The following KIF5A variants were observed in gnomAD, a reference collection of about 807,000 sequenced individuals.
The protein encoded by KIF5A is kinesin family member 5A.
Under a neutral mutation model 141.3 loss-of-function variants are expected in KIF5A, and 35 were observed. The observed-to-expected ratio is 0.25, with a 90% CI of 0.19 to 0.33. The LOEUF is 0.33. KIF5A is among the 10% of genes least tolerant of loss of function. The pLI is 1.00. For missense variants in KIF5A, 861 were observed against 1,314.3 expected, an observed-to-expected ratio of 0.66 and a Z score of 5.33; for synonymous variants, 448 against 500.2, an observed-to-expected ratio of 0.90 and a Z score of 1.39.
At chr12:57,562,912 C>G (rs150244068) in intron 1 of KIF5A, among the ~76,000 whole-genome samples, 1 of 152,184 alleles carries the variant, frequency 6.6e-6, no homozygotes, top group Non-Finnish European at 1.5e-5. Context: ...GATCCCCTAA[C>G]ACAATCTCAC....
intron 1 of KIF5A, among the ~76,000 whole-genome samples, chr12:57,562,286 GCTCACTGCAACCTCCGC>G (rs1217155858): frequency 1.3e-5 from 2 of 152,190 alleles, no homozygotes; most frequent in African/African-American, 2.4e-5. Flanking sequence ...CGCAATCTTG[GCTCACTGCAACCTCCGC>G]CTCCTGGGTT....
intron 19 of KIF5A, 22 bp downstream of exon 19, chr12:57,576,400 T>A: frequency 6.3e-7 from 1 of 1,576,300 alleles, no homozygotes. Context: ...CAAGGGCGAC[T>A]CCAGCCCCTC....
At position 57,585,452 on chromosome 12, in the gene KIF5A, T is replaced by G. The variant is rs550299386; in HGVS notation, c.*1271T>G. The stretch of plus-strand genomic sequence containing the variant: ...CATTCTCAGCCCATATGCAGCACCC[T>G]CCATACTGAAGAGGACTGTTGTTTT... On this transcript the variant is annotated 3_prime_UTR_variant, in exon 29 of 29. Transcript: ENST00000455537. 5.5e-4 allele frequency: 85 copies of G among 154,572 alleles called. No homozygotes were observed. The highest frequency in any genetic ancestry group is 2.0e-3 in the African/African-American group (83 of 41,650). The allele number at this position is 154,572 out of a possible 1,614,324, so 9.6% of individuals were successfully genotyped here.
Position 57,576,875 on chromosome 12 carries a change from G to T in KIF5A, c.2300+13G>T. 1 of 1,596,448 alleles carries T rather than the reference G, an allele frequency of 6.3e-7. No individual in the cohort carries two copies. Among genetic ancestry groups the T allele is most frequent in the Non-Finnish European group, 8.6e-7 (1 of 1,164,428 alleles). Reference sequence around the variant, plus strand: ...TGCAGGAGCTGACGTGAGTGGCATGGATTTACCTGTAAAACTACAGCCTTG... The same window carrying T: ...TGCAGGAGCTGACGTGAGTGGCATGTATTTACCTGTAAAACTACAGCCTTG... On this transcript the variant is annotated intron_variant, in intron 20 of 28. Transcript: ENST00000455537.
chr12:57,575,791 A>G (rs773847107), intron 17 of KIF5A, 34 bp downstream of exon 17: 2 of 1,426,954 alleles, frequency 1.4e-6, no homozygotes, highest in African/African-American at 1.4e-5. Flanking sequence ...CCCACTGTCC[A>G]GGGCAGAAAA....
intron 1 of KIF5A, among the ~76,000 whole-genome samples, chr12:57,552,957 C>G (rs1490693005): frequency 6.6e-6 from 1 of 152,002 alleles, no homozygotes; most frequent in Non-Finnish European, 1.5e-5. Context: ...AGAGACAGCT[C>G]TGTGTGCCTT....
intron 17 of KIF5A, 115 bp from the exon 18 acceptor site, chr12:57,575,972 A>C: frequency 9.5e-7 from 1 of 1,057,630 alleles, no homozygotes; most frequent in Non-Finnish European, 1.5e-6. Context: ...GTCCTAACAC[A>C]GAAGAACATC....
chr12:57,560,696 T>A (rs1046912476), intron 1 of KIF5A, among the ~76,000 whole-genome samples: 1 of 152,170 alleles, frequency 6.6e-6, no homozygotes, highest in Non-Finnish European at 1.5e-5. Flanking sequence ...TGTCTTTTTG[T>A]TACTAATTTA....
intron 13 of KIF5A, 130 bp from the exon 14 acceptor site, chr12:57,571,931 T>G (rs572854667): frequency 1.3e-6 from 1 of 764,144 alleles, no homozygotes; most frequent in African/African-American, 1.7e-5. Context: ...CCTATTTCTA[T>G]GAAACCTAAA....
chr12:57,564,363 C>T, intron 4 of KIF5A, 97 bp from the exon 5 acceptor site: 3 of 1,120,576 alleles, frequency 2.7e-6, no homozygotes, highest in African/African-American at 3.1e-5. Context: ...TCTTTTCCTC[C>T]CACCACCGTT....
intron 24 of KIF5A, 46 bp from the exon 25 acceptor site, chr12:57,581,369 T>C: frequency 6.2e-7 from 1 of 1,611,418 alleles, no homozygotes; most frequent in Non-Finnish European, 8.5e-7. Context: ...CCAGGGCAAA[T>C]GCAGGGTCAT....
chr12:57,585,772 A>G lies in KIF5A; in HGVS notation c.*1591A>G, dbSNP rs7313599. 0.32 allele frequency: 49,105 copies of G among 152,170 alleles called. 8,909 individuals carry two copies. The highest frequency in any genetic ancestry group is 0.53 in the Middle Eastern group (156 of 294). 9.4% of individuals were successfully genotyped at this position (152,170 alleles called of 1,614,324 possible). ...CTTTACCTGCTGAGCTCCTTTTAGC[A>G]GTTAGGGAGAACTGCAGGGGGAAAA... On this transcript the variant is annotated 3_prime_UTR_variant, in exon 29 of 29. Coordinates refer to ENST00000455537, the MANE Select transcript of KIF5A (RefSeq NM_004984.4).
At chr12:57,583,002 G>T in intron 27 of KIF5A, 99 bp from the exon 28 acceptor site, 1 of 977,690 alleles carries the variant, frequency 1.0e-6, no homozygotes, top group Non-Finnish European at 1.6e-6. Flanking sequence ...AGTCCCTGCC[G>T]TTTGTGATCT....
At chr12:57,555,148 ACTAT>A (rs1881692363) in intron 1 of KIF5A, among the ~76,000 whole-genome samples, 1 of 152,282 alleles carries the variant, frequency 6.6e-6, no homozygotes, top group South Asian at 2.1e-4. Flanking sequence ...GCTTTTGCTA[ACTAT>A]CTATATACTC....
Position 57,564,222 on chromosome 12 carries a change from G to A in KIF5A, c.396+10G>A. ...TGAGTTCCACATCAAGGTGACCAGG[G>A]CACGACAGCTGGGCATTCAGATGGG... is the stretch of plus-strand genomic sequence containing the variant. On this transcript the variant is annotated intron_variant, in intron 4 of 28. Transcript: ENST00000455537. 6.4e-7 allele frequency: 1 copy of A among 1,568,564 alleles called. No homozygotes were observed. The highest frequency in any genetic ancestry group is 8.8e-7 in the Non-Finnish European group (1 of 1,138,490).
At chr12:57,563,730 G>A (rs576428046) in intron 3 of KIF5A, 37 bp downstream of exon 3, 5 of 1,566,458 alleles carry the variant, frequency 3.2e-6, no homozygotes, top group Non-Finnish European at 4.4e-6. Flanking sequence ...GGGGCTAGGA[G>A]TGTTAATGGA....
intron 15 of KIF5A, among the ~76,000 whole-genome samples, chr12:57,573,483 A>G (rs556172593): frequency 9.9e-5 from 15 of 151,172 alleles, no homozygotes; most frequent in African/African-American, 3.4e-4. Context: ...GTGAGACATG[A>G]TTGAGCTACT....
At position 57,572,017 on chromosome 12, in the gene KIF5A, C is replaced by A; in HGVS notation, c.1363-44C>A. The A allele has an allele frequency of 6.5e-7, 1 of 1,547,372 alleles. No homozygotes were observed. Among genetic ancestry groups the A allele is most frequent in the South Asian group, 1.1e-5 (1 of 87,912 alleles). ...CCAGACCCAAGGCCATAGAAATGGT[C>A]ACTGGCAGTGATCTTTCCCACATGC... On this transcript the variant is annotated intron_variant, in intron 13 of 28. Transcript: ENST00000455537. This position sits in a 1 kb window ranked among gnomAD's most constrained non-coding sequence, Gnocchi z 4.2.
intron 15 of KIF5A, among the ~76,000 whole-genome samples, chr12:57,573,250 C>T (rs1162746462): frequency 1.3e-5 from 2 of 151,908 alleles, no homozygotes; most frequent in African/African-American, 4.8e-5. Context: ...GCAATGGAGG[C>T]CAGGCATGGT....
Sources: gnomAD v4.1 joint callset for allele counts (sites outside exome capture counted in the v4.1 genomes callset) on GRCh38, gnomAD v4.1.1 for gene constraint, Gnocchi (gnomAD v3.1) non-coding constraint, MANE v1.5 for transcripts, NCBI Gene and HGNC (gene_info 2026-07-23, HGNC 2026-07-21) for gene names.